ERAP1: variants seen among roughly 807,000 people sequenced by gnomAD.
The protein encoded by ERAP1 is endoplasmic reticulum aminopeptidase 1, also known as adipocyte-derived leucine aminopeptidase.
ERAP1 carries 86 observed loss-of-function variants against 103.7 expected under a neutral mutation model. The observed-to-expected ratio is 0.83, with a 90% CI of 0.70 to 0.99. ERAP1 has a LOEUF of 0.99. Among genes scored for constraint, ERAP1 ranks in the 50% least tolerant of loss-of-function variants. The pLI, the probability that ERAP1 is intolerant of heterozygous loss-of-function variation, is 0.00. For synonymous variants in ERAP1, 398 were observed against 402.4 expected, an observed-to-expected ratio of 0.99 and a Z score of 0.13; for missense variants, 1,009 against 1,128.4, an observed-to-expected ratio of 0.89 and a Z score of 1.52.
the ERAP1 span, among the ~76,000 whole-genome samples, chr5:96,924,897 C>G: frequency 1.3e-5 from 2 of 152,126 alleles, no homozygotes; most frequent in Admixed American, 6.5e-5. Flanking sequence ...TGTGCCTGGC[C>G]CACATCATTT....
chr5:96,901,619 A>T, the ERAP1 span: 1 of 1,614,086 alleles, frequency 6.2e-7, no homozygotes, highest in Non-Finnish European at 8.5e-7. Context: ...TCCGACTGCA[A>T]CAGGAGCGCT....
chr5:96,884,749 C>T, the ERAP1 span, among the ~76,000 whole-genome samples: 5 of 151,428 alleles, frequency 3.3e-5, no homozygotes, highest in Admixed American at 6.6e-5. Context: ...TCAGTAGAGA[C>T]GGGGTTTCAC....
chr5:96,837,794 T>A, the ERAP1 span, among the ~76,000 whole-genome samples: 1 of 152,094 alleles, frequency 6.6e-6, no homozygotes, highest in Non-Finnish European at 1.5e-5. Context: ...AAATTAAAGA[T>A]GGTAAATGCG....
the ERAP1 span, among the ~76,000 whole-genome samples, chr5:96,931,172 T>TC: frequency 5.3e-5 from 8 of 150,910 alleles, no homozygotes; most frequent in Middle Eastern, 6.8e-3. Context: ...TTTTTTTTTT[T>TC]CCCAGACAGG....
the ERAP1 span, among the ~76,000 whole-genome samples, chr5:96,844,782 AC>A: frequency 2.0e-5 from 3 of 152,136 alleles, no homozygotes; most frequent in Non-Finnish European, 2.9e-5. Flanking sequence ...GGCTTCTGGC[AC>A]TCTCCACCTC....
At chr5:96,872,514 G>A in the ERAP1 span, among the ~76,000 whole-genome samples, 7 of 152,068 alleles carry the variant, frequency 4.6e-5, no homozygotes, top group African/African-American at 1.4e-4. Context: ...CAAGAGAATC[G>A]CTTGAGCCCA....
intron 10 of ERAP1, among the ~76,000 whole-genome samples, chr5:96,789,369 C>T (rs1776461535): frequency 6.6e-6 from 1 of 151,950 alleles, no homozygotes; most frequent in South Asian, 2.1e-4. Context: ...TGCCTGTAAT[C>T]CCGGCTACCT....
chr5:96,768,556 A>G, intron 19 of ERAP1: 1 of 349,784 alleles, frequency 2.9e-6, no homozygotes, highest in Non-Finnish European at 5.5e-6. Context: ...CACTTATAAA[A>G]CACTGCTTAA....
the ERAP1 span, among the ~76,000 whole-genome samples, chr5:96,864,669 A>G: frequency 7.9e-5 from 12 of 152,228 alleles, no homozygotes; most frequent in African/African-American, 2.7e-4. Flanking sequence ...CCTTGGAAGG[A>G]TACAATGCTT....
the ERAP1 span, among the ~76,000 whole-genome samples, chr5:96,824,660 TA>T: frequency 3.3e-5 from 5 of 152,206 alleles, no homozygotes. Context: ...GACTTCAACT[TA>T]AATGTCACCT....
chr5:96,784,204 G>GAT (rs1775661751), intron 13 of ERAP1, 124 bp from the exon 14 acceptor site: 2 of 1,065,348 alleles, frequency 1.9e-6, no homozygotes, highest in Non-Finnish European at 2.8e-6. Context: ...CTTATAAATA[G>GAT]ATAACTACGG....
At chr5:96,895,372 TTC>T in the ERAP1 span, 2 of 1,494,198 alleles carry the variant, frequency 1.3e-6, no homozygotes, top group Admixed American at 3.4e-5. Context: ...AAGTTCACAA[TTC>T]TGTGTATCAT....
At chr5:96,877,038 G>A in the ERAP1 span, among the ~76,000 whole-genome samples, 3 of 152,102 alleles carry the variant, frequency 2.0e-5, no homozygotes, top group Admixed American at 1.3e-4. Flanking sequence ...GCAGCAGCAC[G>A]ATCTCGGCTC....
At chr5:96,822,655 C>A in the ERAP1 span, among the ~76,000 whole-genome samples, 1 of 151,864 alleles carries the variant, frequency 6.6e-6, no homozygotes, top group East Asian at 1.9e-4. Flanking sequence ...GCAGGAGGAT[C>A]ACTTGAGGCT....
At chr5:96,932,944 G>A in the ERAP1 span, among the ~76,000 whole-genome samples, 5 of 152,058 alleles carry the variant, frequency 3.3e-5, no homozygotes, top group African/African-American at 7.2e-5. Context: ...ATAATGAATC[G>A]TAACTTCATA....
intron 10 of ERAP1, 47 bp downstream of exon 10, chr5:96,790,249 A>G (rs1776572284): frequency 6.4e-7 from 1 of 1,552,060 alleles, no homozygotes. Context: ...AAGAATATGC[A>G]GTAAAAGAAT....
At chr5:96,820,341 G>A in the ERAP1 span, among the ~76,000 whole-genome samples, 2,650 of 151,922 alleles carry the variant, frequency 0.017, 49 homozygotes, top group Admixed American at 0.059. Context: ...GAATATGCAG[G>A]GTGCTTGGAA....
chr5:96,911,603 A>C, the ERAP1 span, among the ~76,000 whole-genome samples: 1 of 152,146 alleles, frequency 6.6e-6, no homozygotes, highest in Non-Finnish European at 1.5e-5. Flanking sequence ...GCTCTCAACT[A>C]GGCCAAGTGC....
downstream of ERAP1, chr5:96,772,600 A>G (rs189071732): frequency 3.8e-4 from 58 of 152,882 alleles, no homozygotes; most frequent in African/African-American, 1.3e-3. Flanking sequence ...AAAATTACAT[A>G]TTAAATGATT....
Sources: allele counts gnomAD v4.1 joint callset (sites outside exome capture counted in the v4.1 genomes callset), GRCh38; gene constraint gnomAD v4.1.1; transcripts MANE v1.5; gene names NCBI Gene and HGNC (gene_info 2026-07-23, HGNC 2026-07-21).